Variants in CEP85L observed in about 807,000 individuals in gnomAD.
The protein encoded by CEP85L is centrosomal protein of 85 kDa-like.
A neutral mutation model predicts 100.3 loss-of-function variants in CEP85L; 60 were observed. The observed-to-expected ratio is 0.60, with a 90% CI of 0.49 to 0.74. The LOEUF (loss-of-function observed/expected upper bound fraction) is 0.74, where lower values mean the gene tolerates loss of function less well. CEP85L is among the 30% of genes least tolerant of loss of function. The pLI is 0.00. For synonymous variants in CEP85L, 319 were observed against 322.7 expected, an observed-to-expected ratio of 0.99 and a Z score of 0.12; for missense variants, 973 against 936.2, an observed-to-expected ratio of 1.04 and a Z score of -0.51.
chr6:118,559,207 G>T (rs1406698230), intron 3 of CEP85L: 1 of 804,586 alleles, frequency 1.2e-6, no homozygotes, highest in East Asian at 2.4e-5. Flanking sequence ...TTGTGAAAAG[G>T]TCAAGATTAA....
chr6:118,567,953 AT>A (rs889667468), intron 2 of CEP85L, among the ~76,000 whole-genome samples: 1 of 152,216 alleles, frequency 6.6e-6, no homozygotes, highest in Admixed American at 6.5e-5. Context: ...ATTTAGGAAA[AT>A]TCTCACATTA....
In CEP85L at chr6:118,491,752, C is replaced by G; in HGVS notation, c.1371G>C (p.Gln457His). Reference protein sequence around the residue: ...KLASTEKEVLQLNEFLKQRLS... With the variant: ...KLASTEKEVLHLNEFLKQRLS... The stretch of plus-strand genomic sequence containing the variant: ...GTCTTTGTTTGAGAAACTCATTAAG[C>G]TGTAAAACTTCTTTCTCAGTAGATG... Residue 457 changes from glutamine to histidine, a missense_variant, in exon 6 of 13, where the codon CAG becomes CAC. By Grantham distance (24) the Gln-to-His change is conservative (BLOSUM62 0). This residue lies in a region of CEP85L where 890 missense variants were observed against 844.5 expected (regional missense o/e 1.05). Transcript: ENST00000368491. 1 of 1,613,220 alleles carries G rather than the reference C, an allele frequency of 6.2e-7. No individual in the cohort carries two copies. Among genetic ancestry groups the G allele is most frequent in the Non-Finnish European group, 8.5e-7 (1 of 1,179,550 alleles).
intron 1 of CEP85L, among the ~76,000 whole-genome samples, chr6:118,634,642 C>A (rs1232748317): frequency 6.6e-6 from 1 of 150,414 alleles, no homozygotes; most frequent in African/African-American, 2.4e-5. Context: ...AGTGATTCAA[C>A]ACTCACATTA....
intron 3 of CEP85L, among the ~76,000 whole-genome samples, chr6:118,556,979 G>C (rs1183917447): frequency 2.0e-5 from 3 of 151,630 alleles, no homozygotes; most frequent in Non-Finnish European, 4.4e-5. Flanking sequence ...TGGGATCTCT[G>C]AAAGAAGGCA....
chr6:118,686,812 TAC>T (rs1287379665), intron 1 of CEP85L, among the ~76,000 whole-genome samples: 1 of 152,274 alleles, frequency 6.6e-6, no homozygotes, highest in African/African-American at 2.4e-5. Context: ...AAACTTCACA[TAC>T]ACACTCTCCA....
At position 118,565,609 on chromosome 6, in the gene CEP85L, T is replaced by C. The variant is rs1192062782; in HGVS notation, c.940A>G (p.Thr314Ala). ...LRTNPLEGRN[T>A]EDSYSLAPWQ... ...GGAGCTAAACTGTAAGAATCCTCTG[T>C]ATTTCTACCTTCCAAAGGATTTGTC... is the stretch of plus-strand genomic sequence containing the variant. Residue 314 changes from threonine to alanine, a missense_variant, in exon 3 of 13, where the codon ACA (threonine) becomes GCA (alanine). Coordinates refer to ENST00000368491, the MANE Select transcript of CEP85L (RefSeq NM_001042475.3). The C allele has an allele frequency of 6.2e-7, 1 of 1,614,240 alleles. No individual in the cohort carries two copies.
intron 7 of CEP85L, 56 bp from the exon 8 acceptor site, chr6:118,481,989 T>G (rs1383190077): frequency 1.3e-5 from 14 of 1,072,494 alleles, no homozygotes; most frequent in African/African-American, 1.7e-5. Flanking sequence ...ACGCTTCTAT[T>G]AGAAACTGTT....
chr6:118,662,263 C>G (rs141231737), intron 1 of CEP85L, among the ~76,000 whole-genome samples: 6 of 152,110 alleles, frequency 3.9e-5, no homozygotes, highest in African/African-American at 1.5e-4. Flanking sequence ...GGTGCGGTGG[C>G]TCACTCCTGT....
chr6:118,466,320 G>A (rs1772516408), intron 12 of CEP85L, among the ~76,000 whole-genome samples: 2 of 152,184 alleles, frequency 1.3e-5, no homozygotes, highest in South Asian at 4.1e-4. Flanking sequence ...GTGAGTGACT[G>A]TTATTTTAAC....
At chr6:118,540,174 A>G (rs1054791951) in intron 3 of CEP85L, among the ~76,000 whole-genome samples, 2 of 152,100 alleles carry the variant, frequency 1.3e-5, no homozygotes, top group African/African-American at 4.8e-5. Flanking sequence ...AAAAAAATCC[A>G]AAAGTATTTC....
chr6:118,606,830 G>A (rs1583156506), intron 2 of CEP85L, among the ~76,000 whole-genome samples: 1 of 152,098 alleles, frequency 6.6e-6, no homozygotes, highest in Admixed American at 6.5e-5. Flanking sequence ...CTTAAGACTA[G>A]CCTTAGAATT....
intron 2 of CEP85L, among the ~76,000 whole-genome samples, chr6:118,581,383 T>C (rs1262516344): frequency 6.6e-6 from 1 of 152,070 alleles, no homozygotes; most frequent in East Asian, 1.9e-4. Context: ...AACCCCTCCA[T>C]TAAAGGGGCC....
chr6:118,703,201 T>G (rs950255983), intron 1 of CEP85L, among the ~76,000 whole-genome samples: 3 of 152,136 alleles, frequency 2.0e-5, no homozygotes, highest in Non-Finnish European at 4.4e-5. Flanking sequence ...CTTTATTTTA[T>G]TTATTTGTTT....
intron 1 of CEP85L, among the ~76,000 whole-genome samples, chr6:118,658,918 G>A (rs755503045): frequency 2.9e-4 from 44 of 151,882 alleles, no homozygotes; most frequent in Non-Finnish European, 5.0e-4. Context: ...TCTACTTTGC[G>A]GCATAAACAA....
At chr6:118,510,394 C>T (rs1224156252) in intron 5 of CEP85L, among the ~76,000 whole-genome samples, 3 of 151,504 alleles carry the variant, frequency 2.0e-5, no homozygotes, top group African/African-American at 7.3e-5. Context: ...CAAAAACCTA[C>T]AACCTAACAT....
In CEP85L at chr6:118,565,592, A is replaced by T; in HGVS notation, c.957T>A (p.Ser319Arg). 2 of 1,614,184 alleles carry T rather than the reference A, an allele frequency of 1.2e-6. No homozygotes were observed. The highest frequency in any genetic ancestry group is 8.5e-7 in the Non-Finnish European group (1 of 1,180,014). ...TTTGCTGCTGTTGCCAAGGAGCTAAACTGTAAGAATCCTCTGTATTTCTAC... is the reference window on the plus strand; with the variant it reads ...TTTGCTGCTGTTGCCAAGGAGCTAATCTGTAAGAATCCTCTGTATTTCTAC... ...LEGRNTEDSY[S>R]LAPWQQQQIE... Residue 319 changes from serine to arginine, a missense_variant, in exon 3 of 13, where the codon AGT (serine) becomes AGA (arginine). By Grantham distance (110) the Ser-to-Arg change is moderately radical. Coordinates refer to ENST00000368491, the MANE Select transcript of CEP85L (RefSeq NM_001042475.3).
intron 6 of CEP85L, among the ~76,000 whole-genome samples, chr6:118,484,386 G>T (rs542371993): frequency 5.3e-5 from 8 of 152,122 alleles, no homozygotes; most frequent in Non-Finnish European, 1.2e-4. Flanking sequence ...ACAGTTTAGG[G>T]AATATTTGCT....
In CEP85L at chr6:118,559,040, T is replaced by C; in HGVS notation, c.1020+6489A>G. 6.2e-7 allele frequency: 1 copy of C among 1,611,380 alleles called. No homozygotes were observed. Among genetic ancestry groups the C allele is most frequent in the Non-Finnish European group, 8.5e-7 (1 of 1,177,486 alleles). On this transcript the variant is annotated intron_variant, in intron 3 of 12. Coordinates refer to ENST00000368491, the MANE Select transcript of CEP85L (RefSeq NM_001042475.3). ...TTTATCAATTTCTGTCTCATCTTAA[T>C]ATGTCTCTTGCTGATCTGTATCATC... is the stretch of plus-strand genomic sequence containing the variant.
At chr6:118,687,273 T>C (rs149607422) in intron 1 of CEP85L, among the ~76,000 whole-genome samples, 180 of 152,308 alleles carry the variant, frequency 1.2e-3, no homozygotes, top group African/African-American at 4.1e-3. Flanking sequence ...TCACCCAGGC[T>C]GGAGTGCAAT....
Sources: gnomAD v4.1 joint callset for allele counts (sites outside exome capture counted in the v4.1 genomes callset) on GRCh38, gnomAD v4.1.1 for gene constraint, gnomAD v4.1.1 regional missense constraint, MANE v1.5 for transcripts, NCBI Gene and HGNC (gene_info 2026-07-23, HGNC 2026-07-21) for gene names.